RYR3: variants seen among roughly 807,000 people sequenced by gnomAD.
RYR3 encodes the protein ryanodine receptor 3, also known as brain ryanodine receptor-calcium release channel.
A neutral mutation model predicts 584.3 loss-of-function variants in RYR3; 207 were observed. The ratio of observed to expected loss-of-function variants is 0.35; its 90% confidence interval spans 0.32 to 0.40. The LOEUF (loss-of-function observed/expected upper bound fraction) is 0.40. Ranked by LOEUF, RYR3 falls within the 10% of genes least tolerant of loss-of-function variation. The pLI, the probability that RYR3 is intolerant of heterozygous loss-of-function variation, is 1.00. For synonymous variants in RYR3, 2,416 were observed against 2,248.5 expected (o/e 1.07, Z -2.11); for missense variants, 5,616 against 6,089.2 (o/e 0.92, Z 2.59).
Position 33,785,816 on chromosome 15 carries a change from C to T in RYR3, c.9423C>T (p.Tyr3141=). 1 of 1,614,000 alleles carries T rather than the reference C, an allele frequency of 6.2e-7. No individual in the cohort carries two copies. ...TGATCTTACCCATGCTCTGCAACTACTTGTCCTACTGGTGGGAGCGGGGTC... is the reference window on the plus strand; with the variant it reads ...TGATCTTACCCATGCTCTGCAACTATTTGTCCTACTGGTGGGAGCGGGGTC... ...IEVILPMLCN[Y]LSYWWERGPE... is the part of the protein sequence containing the mutation. The change falls in exon 66 of 104, where the codon TAC becomes TAT. Residue 3141 remains tyrosine (Y), a synonymous_variant. Coordinates refer to ENST00000634891, the MANE Select transcript of RYR3 (RefSeq NM_001036.6).
At chr15:33,768,969 C>A in intron 61 of RYR3, 143 bp from the exon 62 acceptor site, 1 of 713,154 alleles carries the variant, frequency 1.4e-6, no homozygotes, top group Non-Finnish European at 2.5e-6. Flanking sequence ...GAAATTAATG[C>A]ATTGTCGCTG....
chr15:33,641,993 C>T (rs2061853824), intron 27 of RYR3, among the ~76,000 whole-genome samples: 1 of 143,962 alleles, frequency 6.9e-6, no homozygotes, highest in Non-Finnish European at 1.5e-5. Context: ...AGGATCTCAT[C>T]CCATTTTTGT....
intron 94 of RYR3, chr15:33,852,614 C>A (rs1485623783): frequency 6.2e-6 from 1 of 162,340 alleles, no homozygotes; most frequent in East Asian, 1.8e-4. Context: ...CTTTCTACCA[C>A]ACCCCACATC....
At chr15:33,323,893 C>A (rs568534687) in intron 1 of RYR3, among the ~76,000 whole-genome samples, 225 of 152,256 alleles carry the variant, frequency 1.5e-3, no homozygotes, top group Non-Finnish European at 2.3e-3. Flanking sequence ...AAATAACTCA[C>A]AAAGCTGGAA....
intron 1 of RYR3, among the ~76,000 whole-genome samples, chr15:33,428,718 T>G (rs2044863004): frequency 8.2e-6 from 1 of 122,098 alleles, no homozygotes; most frequent in Non-Finnish European, 1.8e-5. Flanking sequence ...CCCAATTAAG[T>G]TAGAGGATTT....
intron 3 of RYR3, among the ~76,000 whole-genome samples, chr15:33,527,250 T>C (rs1184801679): frequency 6.6e-6 from 1 of 152,032 alleles, no homozygotes; most frequent in Non-Finnish European, 1.5e-5. Flanking sequence ...TTAAAACATT[T>C]TTTAAAGGGC....
intron 1 of RYR3, among the ~76,000 whole-genome samples, chr15:33,449,704 T>G (rs1363204777): frequency 6.6e-6 from 1 of 152,244 alleles, no homozygotes; most frequent in Non-Finnish European, 1.5e-5. Flanking sequence ...CCTCTAAGTT[T>G]AATCAGATTG....
At chr15:33,695,025 A>C (rs1306985975) in intron 38 of RYR3, among the ~76,000 whole-genome samples, 1 of 152,228 alleles carries the variant, frequency 6.6e-6, no homozygotes, top group Non-Finnish European at 1.5e-5. Flanking sequence ...AACCTCAACT[A>C]TTAGAGATGC....
At chr15:33,680,629 G>A (rs1358529527) in intron 38 of RYR3, among the ~76,000 whole-genome samples, 2 of 152,240 alleles carry the variant, frequency 1.3e-5, no homozygotes, top group Non-Finnish European at 2.9e-5. Flanking sequence ...GTGTACCAGA[G>A]TGTGACCTAG....
rs2229117 is a variant in RYR3, at chr15:33,623,852, G to A, written c.2403G>A (p.Leu801=). The A allele has an allele frequency of 3.1e-6, 5 of 1,613,446 alleles. No individual in the cohort carries two copies. The African/African-American group carries it at 6.7e-5, about 22-fold the overall frequency. ...GACGTCATGGAGAGTTTAAGTTCCT[G>A]CCTCCCTCTGGCTATGCCCCTTGCT... ...MGGRHGEFKF[L]PPSGYAPCYE... The change falls in exon 20 of 104, where the codon CTG becomes CTA. Residue 801 remains leucine, a synonymous_variant. Transcript: ENST00000634891.
chr15:33,388,634 C>T (rs1265128323), intron 1 of RYR3, among the ~76,000 whole-genome samples: 2 of 152,148 alleles, frequency 1.3e-5, no homozygotes, highest in African/African-American at 2.4e-5. Context: ...AATAGAGCTA[C>T]GCTATACCAT....
chr15:33,603,373 C>T lies in RYR3; in HGVS notation c.2164+9C>T, dbSNP rs748284929. On this transcript the variant is annotated intron_variant, in intron 18 of 103. Coordinates refer to ENST00000634891, the MANE Select transcript of RYR3 (RefSeq NM_001036.6). ...ACTTCACCTTTGGTCAGGTGAGTAC[C>T]TTGCTAAAGCTTTGGCTCATAATCT... is the stretch of plus-strand genomic sequence containing the variant. 1 of 1,535,640 alleles carries T rather than the reference C, an allele frequency of 6.5e-7. No homozygotes were observed. Among genetic ancestry groups the T allele is most frequent in the East Asian group, 2.3e-5 (1 of 43,668 alleles).
At chr15:33,678,286 G>T (rs77760218) in intron 38 of RYR3, among the ~76,000 whole-genome samples, 6 of 152,138 alleles carry the variant, frequency 3.9e-5, no homozygotes, top group African/African-American at 1.4e-4. Flanking sequence ...TGAATCATGG[G>T]GGGGAGACTT....
At position 33,854,780 on chromosome 15, in the gene RYR3, T is replaced by C. The variant is rs2079473988; in HGVS notation, c.13875T>C (p.Leu4625=). 6.2e-7 allele frequency: 1 copy of C among 1,609,474 alleles called. No homozygotes were observed. Residue 4625 remains leucine (L), a synonymous_variant, in exon 98 of 104, where the codon CTT becomes CTC. Coordinates refer to ENST00000634891, the MANE Select transcript of RYR3 (RefSeq NM_001036.6). The stretch of plus-strand genomic sequence containing the variant: ...TCCATTCCCAGTCCTTTCTCTACCT[T>C]GCCTGGTATACAACCATGTCAGTCC... ...VVFTDNSFLY[L]AWYTTMSVLG...
At chr15:33,665,091 G>A (rs953263212) in intron 36 of RYR3, among the ~76,000 whole-genome samples, 1 of 152,068 alleles carries the variant, frequency 6.6e-6, no homozygotes, top group East Asian at 1.9e-4. Flanking sequence ...ATGTTGTCAG[G>A]CTGCTTTTAG....
intron 70 of RYR3, chr15:33,807,800 G>T: frequency 1.8e-6 from 1 of 568,688 alleles, no homozygotes; most frequent in Non-Finnish European, 3.1e-6. Flanking sequence ...CCCTAACCGA[G>T]GTCTCCTTGC....
intron 38 of RYR3, among the ~76,000 whole-genome samples, chr15:33,672,156 G>A (rs557807048): frequency 1.3e-5 from 2 of 152,120 alleles, no homozygotes; most frequent in Admixed American, 1.3e-4. Context: ...CATGGCTGGC[G>A]GGGGGTGGGG....
At chr15:33,635,086 G>T (rs1288620245) in intron 25 of RYR3, among the ~76,000 whole-genome samples, 1 of 152,050 alleles carries the variant, frequency 6.6e-6, no homozygotes, top group Non-Finnish European at 1.5e-5. Flanking sequence ...TTTAGATCAG[G>T]TAATCACATC....
intron 93 of RYR3, among the ~76,000 whole-genome samples, 175 bp downstream of exon 93, chr15:33,845,237 T>C (rs1329756066): frequency 6.6e-6 from 1 of 152,192 alleles, no homozygotes; most frequent in Non-Finnish European, 1.5e-5. Flanking sequence ...GTCTCAGGCC[T>C]CACCATAGGT....
Sources: gnomAD v4.1 joint callset for allele counts (sites outside exome capture counted in the v4.1 genomes callset) on GRCh38, gnomAD v4.1.1 for gene constraint, MANE v1.5 for transcripts, NCBI Gene and HGNC (gene_info 2026-07-23, HGNC 2026-07-21) for gene names.